The following UBE3C variants were observed in gnomAD, a reference collection of about 807,000 sequenced individuals.
The protein encoded by UBE3C is ubiquitin protein ligase E3C, also known as ubiquitin-protein ligase E3C.
Under a neutral mutation model 129.4 loss-of-function variants are expected in UBE3C, and 42 were observed. The ratio of observed to expected loss-of-function variants is 0.32; its 90% CI spans 0.25 to 0.42. UBE3C has a LOEUF of 0.42. UBE3C is among the 10% of genes least tolerant of loss of function. The pLI, the probability that UBE3C is intolerant of heterozygous loss-of-function variation, is 1.00. For synonymous variants in UBE3C, 510 were observed against 492.4 expected (o/e 1.04, Z -0.47); for missense variants, 1,049 against 1,319.1 (o/e 0.80, Z 3.17).
chr7:157,171,688 T>TATATATATATA (rs1808379626), intron 4 of UBE3C, among the ~76,000 whole-genome samples: 3 of 4,900 alleles, frequency 6.1e-4, no homozygotes, highest in African/African-American at 8.0e-4. Flanking sequence ...ATATATATAT[T>TATATATATATA]TTTTTTTTTT....
intron 1 of UBE3C, among the ~76,000 whole-genome samples, chr7:157,160,233 C>A (rs778042201): frequency 6.6e-6 from 1 of 152,090 alleles, no homozygotes; most frequent in African/African-American, 2.4e-5. Context: ...CGCCACCACG[C>A]CCAGCTGATT....
At chr7:157,198,267 G>T (rs1184810790) in intron 10 of UBE3C, 1 of 1,090,364 alleles carries the variant, frequency 9.2e-7, no homozygotes, top group East Asian at 2.3e-5. Context: ...CATTGAGGTG[G>T]TGTCCGTGGG....
At chr7:157,147,994 G>A (rs113789063) in intron 1 of UBE3C, among the ~76,000 whole-genome samples, 1,963 of 152,228 alleles carry the variant, frequency 0.013, 35 homozygotes, top group African/African-American at 0.045. Context: ...TCAATTTAGG[G>A]TGTTTTTGTG....
intron 2 of UBE3C, among the ~76,000 whole-genome samples, chr7:157,164,175 T>A (rs1401960781): frequency 6.6e-6 from 1 of 152,078 alleles, no homozygotes. Context: ...CTCTTTTTTT[T>A]AAGATACTGA....
At chr7:157,171,448 A>G (rs1808363629) in intron 4 of UBE3C, among the ~76,000 whole-genome samples, 1 of 151,820 alleles carries the variant, frequency 6.6e-6, no homozygotes, top group Non-Finnish European at 1.5e-5. Flanking sequence ...ATGTTTTTAA[A>G]AAAAATCCCA....
At chr7:157,201,591 T>C in intron 10 of UBE3C, 130 bp from the exon 11 acceptor site, 1 of 596,828 alleles carries the variant, frequency 1.7e-6, no homozygotes, top group Non-Finnish European at 2.7e-6. Flanking sequence ...TTTTGTGGTA[T>C]TAGTACAGAG....
chr7:157,217,564 C>G (rs975022294), intron 14 of UBE3C, among the ~76,000 whole-genome samples: 1 of 152,086 alleles, frequency 6.6e-6, no homozygotes, highest in African/African-American at 2.4e-5. Flanking sequence ...TGGCCAGGCG[C>G]GGTGGCTCAC....
Position 157,186,944 on chromosome 7 carries a change from C to T in UBE3C, c.1254C>T (p.Ser418=), listed in dbSNP as rs374783921. 1.4e-5 allele frequency: 22 copies of T among 1,613,788 alleles called. No homozygotes were observed. The South Asian group carries it at 2.2e-4, about 16-fold the overall frequency. Residue 418 remains serine, a synonymous_variant, in exon 10 of 23, where the codon AGC becomes AGT. Transcript: ENST00000348165. ...LLNLVWRDSA[S]EEVFTTMASV... is the part of the protein sequence containing the mutation. ...ACCTGGTGTGGAGGGACTCTGCGAG[C>T]GAGGAGGTCTTCACCACCATGGCCT...
At chr7:157,248,649 C>A in intron 19 of UBE3C, 69 bp downstream of exon 19, 2 of 1,523,942 alleles carry the variant, frequency 1.3e-6, no homozygotes, top group Non-Finnish European at 9.0e-7. Context: ...GTGTGGAAGT[C>A]CATTTGTGTT....
At chr7:157,228,622 T>A (rs1371154419) in intron 17 of UBE3C, among the ~76,000 whole-genome samples, 1 of 152,206 alleles carries the variant, frequency 6.6e-6, no homozygotes, top group Non-Finnish European at 1.5e-5. Flanking sequence ...GCCAAATGGC[T>A]TAGATGTGTT....
intron 1 of UBE3C, chr7:157,139,965 G>T (rs924699292): frequency 1.0e-5 from 10 of 983,572 alleles, no homozygotes; most frequent in Non-Finnish European, 1.2e-5. Context: ...CCTGGAAACT[G>T]TGGAGAGACT....
intron 22 of UBE3C, among the ~76,000 whole-genome samples, chr7:157,261,614 ATTAATGTAGAC>A (rs1452009126): frequency 2.6e-5 from 4 of 152,352 alleles, no homozygotes; most frequent in Non-Finnish European, 5.9e-5. Context: ...GGGCTGCAGA[ATTAATGTAGAC>A]TTAAAGGAAG....
At chr7:157,224,913 G>C (rs1795836950) in intron 16 of UBE3C, among the ~76,000 whole-genome samples, 1 of 152,066 alleles carries the variant, frequency 6.6e-6, no homozygotes, top group African/African-American at 2.4e-5. Flanking sequence ...ATTTCTACTA[G>C]TGTTAGTATA....
At chr7:157,214,366 A>G (rs1809678201) in intron 13 of UBE3C, among the ~76,000 whole-genome samples, 1 of 152,192 alleles carries the variant, frequency 6.6e-6, no homozygotes, top group African/African-American at 2.4e-5. Flanking sequence ...TTGAATAGAA[A>G]TAGATATCTA....
intron 2 of UBE3C, among the ~76,000 whole-genome samples, chr7:157,166,557 AT>A (rs569193771): frequency 1.1e-3 from 161 of 152,128 alleles, no homozygotes; most frequent in African/African-American, 3.5e-3. Flanking sequence ...CCTGACCAAC[AT>A]GAAGAAACCC....
intron 11 of UBE3C, among the ~76,000 whole-genome samples, chr7:157,203,835 C>T (rs1029808980): frequency 1.3e-5 from 2 of 152,100 alleles, no homozygotes; most frequent in African/African-American, 4.8e-5. Flanking sequence ...GGGCTTTGTC[C>T]TGATAAACCC....
At chr7:157,234,695 G>A (rs192784413) in intron 18 of UBE3C, among the ~76,000 whole-genome samples, 2 of 152,264 alleles carry the variant, frequency 1.3e-5, no homozygotes, top group African/African-American at 4.8e-5. Flanking sequence ...CTTCACTACC[G>A]TAACGGTATG....
chr7:157,164,568 C>T (rs913215875), intron 2 of UBE3C: 2 of 413,306 alleles, frequency 4.8e-6, no homozygotes, highest in Non-Finnish European at 9.7e-6. Flanking sequence ...TATTGTTTAT[C>T]CTACGTTATA....
intron 18 of UBE3C, among the ~76,000 whole-genome samples, chr7:157,242,860 G>T (rs745577981): frequency 3.4e-4 from 51 of 152,010 alleles, no homozygotes; most frequent in Non-Finnish European, 4.1e-4. Flanking sequence ...TTCTAGACCA[G>T]CCTGACCAAC....
Sources: allele counts gnomAD v4.1 joint callset (sites outside exome capture counted in the v4.1 genomes callset), GRCh38; gene constraint gnomAD v4.1.1; transcripts MANE v1.5; gene names NCBI Gene and HGNC (gene_info 2026-07-23, HGNC 2026-07-21).